The following GRIK1 variants were observed in gnomAD, a reference collection of about 807,000 sequenced individuals.
GRIK1 encodes glutamate ionotropic receptor kainate type subunit 1.
GRIK1 carries 69 observed loss-of-function variants against 105.7 expected under a neutral mutation model. The observed-to-expected ratio is 0.65, with a 90% CI of 0.54 to 0.80. GRIK1 has a LOEUF of 0.80. GRIK1 is among the 30% of genes least tolerant of loss of function. The pLI is 0.00. For synonymous variants in GRIK1, 438 were observed against 431.3 expected (o/e 1.02, Z -0.19); for missense variants, 1,109 against 1,167.3 (o/e 0.95, Z 0.73).
chr21:29,899,103 C>T (rs991473251), intron 1 of GRIK1, among the ~76,000 whole-genome samples: 10 of 152,114 alleles, frequency 6.6e-5, no homozygotes, highest in Admixed American at 1.3e-4. Flanking sequence ...AAATGATTTA[C>T]CAAATTGAAA....
intron 4 of GRIK1, among the ~76,000 whole-genome samples, chr21:29,662,094 T>C (rs1026782120): frequency 6.6e-6 from 1 of 152,238 alleles, no homozygotes; most frequent in Non-Finnish European, 1.5e-5. Context: ...TTAACTCCTT[T>C]ATAAGCTTCT....
At chr21:29,541,573 G>GGTTTTTTTTTTTTTTTTTTTTTTTTTTTT (rs2089969943) in intron 16 of GRIK1, among the ~76,000 whole-genome samples, 1 of 83,742 alleles carries the variant, frequency 1.2e-5, no homozygotes, top group African/African-American at 7.3e-5. Context: ...TGCACTCACG[G>GGTTTTTTTTTTTTTTTTTTTTTTTTTTTT]TCTTTTTTTT....
At chr21:29,689,064 C>T (rs1482002716) in intron 3 of GRIK1, among the ~76,000 whole-genome samples, 2 of 151,020 alleles carry the variant, frequency 1.3e-5, no homozygotes, top group Non-Finnish European at 2.9e-5. Flanking sequence ...TAAAAAGGGG[C>T]CTGAATTTTT....
At chr21:29,868,193 C>T (rs796203563) in intron 1 of GRIK1, among the ~76,000 whole-genome samples, 29 of 152,226 alleles carry the variant, frequency 1.9e-4, no homozygotes, top group African/African-American at 6.5e-4. Context: ...GTATAGCTTC[C>T]AGAATTTTTC....
intron 1 of GRIK1, among the ~76,000 whole-genome samples, chr21:29,729,564 C>T (rs565442173): frequency 6.6e-6 from 1 of 152,286 alleles, no homozygotes; most frequent in East Asian, 1.9e-4. Flanking sequence ...AGCTTACATT[C>T]TACCAGGGTA....
chr21:29,814,822 A>T (rs535727415), intron 1 of GRIK1, among the ~76,000 whole-genome samples: 1 of 152,210 alleles, frequency 6.6e-6, no homozygotes, highest in South Asian at 2.1e-4. Flanking sequence ...TTAAGTTTTC[A>T]AATTTTTTTA....
chr21:29,833,376 C>T (rs1189862425), intron 1 of GRIK1, among the ~76,000 whole-genome samples: 4 of 152,140 alleles, frequency 2.6e-5, no homozygotes, highest in Admixed American at 6.6e-5. Context: ...ACTCCCAGTA[C>T]CAATTTTCTG....
intron 1 of GRIK1, among the ~76,000 whole-genome samples, chr21:29,751,119 A>G (rs1295590310): frequency 6.6e-6 from 1 of 152,132 alleles, no homozygotes; most frequent in Non-Finnish European, 1.5e-5. Flanking sequence ...TAAGGCATGG[A>G]CCAGCCATTT....
chr21:29,931,897 AT>A (rs1007283880), intron 1 of GRIK1, among the ~76,000 whole-genome samples: 2 of 152,242 alleles, frequency 1.3e-5, no homozygotes, highest in South Asian at 2.1e-4. Context: ...ATGTTTTAAT[AT>A]TTTTTTGAAT....
At chr21:29,819,312 G>A (rs1166928058) in intron 1 of GRIK1, among the ~76,000 whole-genome samples, 1 of 152,180 alleles carries the variant, frequency 6.6e-6, no homozygotes, top group Non-Finnish European at 1.5e-5. Context: ...AAGGCTGGCT[G>A]CTTAGAAGCA....
chr21:29,674,399 GTTAAA>G (rs1315980479), intron 3 of GRIK1, among the ~76,000 whole-genome samples: 2 of 151,962 alleles, frequency 1.3e-5, no homozygotes, highest in Non-Finnish European at 2.9e-5. Flanking sequence ...GAACTTCAGA[GTTAAA>G]TGTGTAGGAG....
At chr21:29,606,654 C>T (rs2061623346) in intron 7 of GRIK1, among the ~76,000 whole-genome samples, 1 of 148,738 alleles carries the variant, frequency 6.7e-6, no homozygotes, top group Non-Finnish European at 1.5e-5. Flanking sequence ...AGCTCAGAAA[C>T]ATCTTTTTTT....
At chr21:29,858,022 C>T (rs1240557163) in intron 1 of GRIK1, among the ~76,000 whole-genome samples, 1 of 152,108 alleles carries the variant, frequency 6.6e-6, no homozygotes, top group Non-Finnish European at 1.5e-5. Flanking sequence ...GCCTCAGCCC[C>T]GCCGAGTAGC....
At chr21:29,732,100 C>G (rs1046510782) in intron 1 of GRIK1, among the ~76,000 whole-genome samples, 2 of 152,142 alleles carry the variant, frequency 1.3e-5, no homozygotes, top group Admixed American at 1.3e-4. Flanking sequence ...TTTCCATGAA[C>G]TCTTTGAACG....
At chr21:29,785,778 A>C (rs2066244032) in intron 1 of GRIK1, among the ~76,000 whole-genome samples, 1 of 152,176 alleles carries the variant, frequency 6.6e-6, no homozygotes, top group Admixed American at 6.5e-5. Context: ...CACAGTTCTG[A>C]AGGCCAGAAG....
At chr21:29,653,108 G>A (rs995596898) in intron 5 of GRIK1, among the ~76,000 whole-genome samples, 30 of 152,012 alleles carry the variant, frequency 2.0e-4, no homozygotes, top group Admixed American at 2.0e-3. Flanking sequence ...AAGCCAACCA[G>A]GACAGAATGC....
At chr21:29,682,414 T>C (rs2063398404) in intron 3 of GRIK1, among the ~76,000 whole-genome samples, 1 of 152,234 alleles carries the variant, frequency 6.6e-6, no homozygotes. Flanking sequence ...GGCCTATCCA[T>C]AGGTAAATTT....
At chr21:29,576,933 A>T in intron 14 of GRIK1, 31 bp downstream of exon 14, 1 of 1,189,384 alleles carries the variant, frequency 8.4e-7, no homozygotes, top group African/African-American at 1.5e-5. Flanking sequence ...AGTATCAGAT[A>T]ATCACTGAGA....
At chr21:29,684,256 A>ATCTG (rs2063438207) in intron 3 of GRIK1, among the ~76,000 whole-genome samples, 1 of 43,040 alleles carries the variant, frequency 2.3e-5, no homozygotes. Flanking sequence ...TATCATCTCT[A>ATCTG]TCTATCTATC....
Sources: allele counts gnomAD v4.1 joint callset (sites outside exome capture counted in the v4.1 genomes callset), GRCh38; gene constraint gnomAD v4.1.1; transcripts MANE v1.5; gene names NCBI Gene and HGNC (gene_info 2026-07-23, HGNC 2026-07-21).